The following FMNL2 variants were observed in gnomAD, a reference collection of about 807,000 sequenced individuals.
The protein encoded by FMNL2 is formin like 2, also known as formin-like protein 2.
A neutral mutation model predicts 130.2 loss-of-function variants in FMNL2; 51 were observed. The ratio of observed to expected loss-of-function variants is 0.39; its 90% CI spans 0.31 to 0.49. The LOEUF (loss-of-function observed/expected upper bound fraction) is 0.49, where lower values mean the gene tolerates loss of function less well. FMNL2 is among the 20% of genes least tolerant of loss of function. FMNL2 has a pLI of 0.85. For synonymous variants in FMNL2, 465 were observed against 467.1 expected (o/e 1.00, Z 0.06); for missense variants, 977 against 1,316.2 (o/e 0.74, Z 3.99).
intron 1 of FMNL2, among the ~76,000 whole-genome samples, chr2:152,351,854 C>A (rs193183289): frequency 1.3e-5 from 2 of 152,296 alleles, no homozygotes; most frequent in Admixed American, 6.5e-5. Context: ...ACAGCCTCAC[C>A]AGCACCTGTT....
chr2:152,438,246 T>G (rs1687872005), intron 1 of FMNL2, among the ~76,000 whole-genome samples: 1 of 152,230 alleles, frequency 6.6e-6, no homozygotes, highest in Non-Finnish European at 1.5e-5. Flanking sequence ...AATGGTGTAA[T>G]GTATTATTTA....
At chr2:152,513,858 G>C (rs1464750375) in intron 1 of FMNL2, among the ~76,000 whole-genome samples, 1 of 152,238 alleles carries the variant, frequency 6.6e-6, no homozygotes, top group East Asian at 1.9e-4. Flanking sequence ...CAGTGACAAT[G>C]AAAAATGACT....
intron 1 of FMNL2, among the ~76,000 whole-genome samples, chr2:152,498,533 A>G (rs1324677118): frequency 6.6e-6 from 1 of 152,072 alleles, no homozygotes; most frequent in African/African-American, 2.4e-5. Flanking sequence ...CTGTACACCA[A>G]TCCATGAACT....
chr2:152,534,168 C>G (rs560693859), intron 2 of FMNL2, among the ~76,000 whole-genome samples: 1 of 152,260 alleles, frequency 6.6e-6, no homozygotes, highest in South Asian at 2.1e-4. Context: ...TGATGAATTT[C>G]TCTTATTTTC....
At position 152,642,686 on chromosome 2, in the gene FMNL2, G is replaced by A. The variant is rs114805966; in HGVS notation, c.3169+1772G>A. Among the ~76,000 whole-genome samples the A allele has an allele frequency of 6.0e-3, 921 of 152,282 alleles. 7 individuals are homozygous for A. Among genetic ancestry groups the A allele is most frequent in the African/African-American group, 0.021 (873 of 41,548 alleles). ...GCCATAAAATGAAGTTGTAGTTAGG[G>A]AAGCATCCAGCCTTGCTCATTAAGA... On this transcript the variant is annotated intron_variant, in intron 25 of 25. Transcript: ENST00000288670.
chr2:152,374,082 C>G (rs868056793), intron 1 of FMNL2, among the ~76,000 whole-genome samples: 5 of 152,076 alleles, frequency 3.3e-5, no homozygotes, highest in Non-Finnish European at 5.9e-5. Flanking sequence ...GTACTTTTCG[C>G]CTTCAGACTG....
chr2:152,405,325 G>T (rs1685927336), intron 1 of FMNL2, among the ~76,000 whole-genome samples: 1 of 152,094 alleles, frequency 6.6e-6, no homozygotes, highest in African/African-American at 2.4e-5. Flanking sequence ...TTTTTCTTCT[G>T]TGCTCTCTAG....
At chr2:152,513,880 C>A (rs181115255) in intron 1 of FMNL2, among the ~76,000 whole-genome samples, 1 of 152,084 alleles carries the variant, frequency 6.6e-6, no homozygotes, top group Admixed American at 6.6e-5. Flanking sequence ...ACTGGTGATT[C>A]ACTTTGGGGA....
At chr2:152,336,927 G>C (rs923755689) in intron 1 of FMNL2, among the ~76,000 whole-genome samples, 1 of 152,144 alleles carries the variant, frequency 6.6e-6, no homozygotes, top group African/African-American at 2.4e-5. Context: ...TTTGGCAGAG[G>C]ACTCGAGTTC....
At chr2:152,388,289 A>ACT (rs1245738667) in intron 1 of FMNL2, among the ~76,000 whole-genome samples, 1 of 152,170 alleles carries the variant, frequency 6.6e-6, no homozygotes, top group Non-Finnish European at 1.5e-5. Context: ...CATACGTTAG[A>ACT]CTGGGTATTT....
At chr2:152,612,493 T>A (rs971326216) in intron 11 of FMNL2, among the ~76,000 whole-genome samples, 9 of 152,150 alleles carry the variant, frequency 5.9e-5, no homozygotes, top group African/African-American at 2.2e-4. Flanking sequence ...GCACTCCAGC[T>A]TGGGTGGCAG....
At chr2:152,448,051 G>T (rs1358700441) in intron 1 of FMNL2, among the ~76,000 whole-genome samples, 1 of 152,022 alleles carries the variant, frequency 6.6e-6, no homozygotes, top group Non-Finnish European at 1.5e-5. Flanking sequence ...TTACTCACAA[G>T]CCTGCAGGTT....
intron 1 of FMNL2, among the ~76,000 whole-genome samples, chr2:152,419,509 G>A (rs1686795353): frequency 6.6e-6 from 1 of 152,136 alleles, no homozygotes; most frequent in Admixed American, 6.6e-5. Context: ...AATTCATAGA[G>A]GCAGAAAGTA....
chr2:152,540,774 T>C (rs1694271072), intron 2 of FMNL2, among the ~76,000 whole-genome samples: 1 of 151,938 alleles, frequency 6.6e-6, no homozygotes, highest in South Asian at 2.1e-4. Context: ...CGCACCAGCA[T>C]GGCACACGTA....
chr2:152,605,441 C>T (rs1698315273), intron 9 of FMNL2, among the ~76,000 whole-genome samples: 1 of 152,120 alleles, frequency 6.6e-6, no homozygotes. Flanking sequence ...ACCTCAGTCT[C>T]CTGAGTAGCT....
intron 1 of FMNL2, among the ~76,000 whole-genome samples, chr2:152,439,894 G>A (rs930605794): frequency 5.3e-5 from 8 of 150,772 alleles, no homozygotes; most frequent in Non-Finnish European, 1.0e-4. Context: ...GCTTAGAGTG[G>A]TCTCACCGTT....
intron 1 of FMNL2, among the ~76,000 whole-genome samples, chr2:152,373,639 C>G (rs1684008540): frequency 6.6e-6 from 1 of 152,178 alleles, no homozygotes; most frequent in African/African-American, 2.4e-5. Context: ...GTCTACACAT[C>G]ACTTCATTCT....
intron 1 of FMNL2, among the ~76,000 whole-genome samples, chr2:152,418,941 A>G (rs1338908284): frequency 6.7e-6 from 1 of 149,662 alleles, no homozygotes; most frequent in Non-Finnish European, 1.5e-5. Flanking sequence ...AGCCCTCCAT[A>G]TCCTTATATG....
chr2:152,366,300 AG>A (rs199768655), intron 1 of FMNL2, among the ~76,000 whole-genome samples: 11,336 of 61,230 alleles, frequency 0.19, 754 homozygotes, highest in East Asian at 0.34. Flanking sequence ...GGGTGGGGGG[AG>A]GGGGGAGGGA....
Sources: gnomAD v4.1 joint callset for allele counts (sites outside exome capture counted in the v4.1 genomes callset) on GRCh38, gnomAD v4.1.1 for gene constraint, MANE v1.5 for transcripts, NCBI Gene and HGNC (gene_info 2026-07-23, HGNC 2026-07-21) for gene names.